The following PTPRR variants were observed in gnomAD, a reference collection of about 807,000 sequenced individuals.
PTPRR encodes protein tyrosine phosphatase receptor type R.
In PTPRR, 38 loss-of-function variants were observed where a neutral mutation model predicts 77.2. The ratio of observed to expected loss-of-function variants is 0.49; its 90% CI spans 0.38 to 0.65. PTPRR has a LOEUF of 0.65. PTPRR is among the 30% of genes least tolerant of loss of function. PTPRR has a pLI of 0.00. For synonymous variants in PTPRR, 299 were observed against 283.1 expected (o/e 1.06, Z -0.57); for missense variants, 744 against 799.2 (o/e 0.93, Z 0.83).
At chr12:70,722,528 C>A (rs1889294641) in intron 6 of PTPRR, among the ~76,000 whole-genome samples, 1 of 152,042 alleles carries the variant, frequency 6.6e-6, no homozygotes, top group Non-Finnish European at 1.5e-5. Flanking sequence ...GAGGAGACTC[C>A]AAAGAAGCTT....
chr12:70,916,051 TA>T (rs1262912826), intron 1 of PTPRR, among the ~76,000 whole-genome samples: 1 of 151,694 alleles, frequency 6.6e-6, no homozygotes, highest in African/African-American at 2.4e-5. Flanking sequence ...GAAACTACAA[TA>T]AAAAAAGTAA....
At chr12:70,790,384 C>T (rs1425624026) in intron 2 of PTPRR, among the ~76,000 whole-genome samples, 2 of 152,068 alleles carry the variant, frequency 1.3e-5, no homozygotes, top group Non-Finnish European at 1.5e-5. Context: ...GCCCTGATAC[C>T]CTTTCCTGCC....
chr12:70,800,046 C>T (rs1464134662), intron 2 of PTPRR, among the ~76,000 whole-genome samples: 1 of 152,132 alleles, frequency 6.6e-6, no homozygotes, highest in East Asian at 1.9e-4. Flanking sequence ...GTGCAGCCAG[C>T]ATCTGGGAAT....
At chr12:70,911,538 A>G (rs923333698) in intron 1 of PTPRR, among the ~76,000 whole-genome samples, 2 of 152,184 alleles carry the variant, frequency 1.3e-5, no homozygotes, top group African/African-American at 4.8e-5. Flanking sequence ...CATATCCAAG[A>G]GAAATTTTTA....
intron 10 of PTPRR, among the ~76,000 whole-genome samples, chr12:70,666,337 C>T (rs1886992141): frequency 1.3e-5 from 2 of 152,160 alleles, no homozygotes; most frequent in Non-Finnish European, 2.9e-5. Flanking sequence ...TATGTTGAGG[C>T]ACATGCAACC....
At chr12:70,795,913 A>ATTTTTTTT (rs71437157) in intron 2 of PTPRR, among the ~76,000 whole-genome samples, 1,899 of 88,376 alleles carry the variant, frequency 0.021, 755 homozygotes, top group South Asian at 0.044. Flanking sequence ...TATTTAGTAG[A>ATTTTTTTT]TTTTTTTTTT....
intron 2 of PTPRR, among the ~76,000 whole-genome samples, chr12:70,766,610 A>G (rs1362574345): frequency 6.6e-6 from 1 of 151,760 alleles, no homozygotes; most frequent in African/African-American, 2.4e-5. Flanking sequence ...ATCCAGGAGA[A>G]CTTCCCCAAT....
At chr12:70,746,154 AC>A in intron 5 of PTPRR, 68 bp from the exon 6 acceptor site, 1 of 1,446,064 alleles carries the variant, frequency 6.9e-7, no homozygotes, top group Non-Finnish European at 9.3e-7. Context: ...GATCTCCTCC[AC>A]CCCACCCTGG....
At chr12:70,655,631 AG>A (rs1886547482) in intron 13 of PTPRR, among the ~76,000 whole-genome samples, 1 of 152,230 alleles carries the variant, frequency 6.6e-6, no homozygotes, top group Admixed American at 6.5e-5. Flanking sequence ...AAGTGAAATA[AG>A]CCAGCCACAA....
chr12:70,880,580 C>T (rs1893132396), intron 2 of PTPRR, among the ~76,000 whole-genome samples: 2 of 152,032 alleles, frequency 1.3e-5, no homozygotes, highest in South Asian at 2.1e-4. Context: ...TGTCTTTCTT[C>T]GATTAGAATA....
At position 70,846,812 on chromosome 12, in the gene PTPRR, G is replaced by T. The variant is rs774006378; in HGVS notation, c.357+45867C>A. Reference sequence around the variant, plus strand: ...AGAAATCAAGTTTCATTGCTTAAAAGCTACTTGGTTTAGTGTATTTCATCG... The same window carrying T: ...AGAAATCAAGTTTCATTGCTTAAAATCTACTTGGTTTAGTGTATTTCATCG... On this transcript the variant is annotated intron_variant, in intron 2 of 13. Transcript: ENST00000283228. 3.3e-4 allele frequency among the ~76,000 whole-genome samples: 50 copies of T among 152,132 alleles called. 1 individual carries two copies. Among genetic ancestry groups the T allele is most frequent in the Non-Finnish European group, 3.4e-4 (23 of 68,018 alleles).
At position 70,788,035 on chromosome 12, in the gene PTPRR, T is replaced by C. The variant is rs530614227; in HGVS notation, c.358-23257A>G. Among the ~76,000 whole-genome samples the C allele has an allele frequency of 5.9e-5, 9 of 152,342 alleles. No homozygotes were observed. In the South Asian group the frequency reaches 1.7e-3, roughly 28 times the overall value. Reference sequence around the variant, plus strand: ...TGCCTAGAACACAGTGGAAACTAAATACATACTTTTTGAAATAAAGTTAAG... The same window carrying C: ...TGCCTAGAACACAGTGGAAACTAAACACATACTTTTTGAAATAAAGTTAAG... On this transcript the variant is annotated intron_variant, in intron 2 of 13. Coordinates refer to ENST00000283228, the MANE Select transcript of PTPRR (RefSeq NM_002849.4).
At chr12:70,834,810 G>A (rs114191357) in intron 2 of PTPRR, among the ~76,000 whole-genome samples, 2 of 152,140 alleles carry the variant, frequency 1.3e-5, no homozygotes, top group African/African-American at 2.4e-5. Flanking sequence ...CTACAGATAA[G>A]GCATCCTGAT....
intron 2 of PTPRR, among the ~76,000 whole-genome samples, chr12:70,771,981 T>C (rs1257341200): frequency 7.2e-5 from 11 of 152,146 alleles, no homozygotes; most frequent in Non-Finnish European, 1.2e-4. Flanking sequence ...AAAATCTAAA[T>C]ATTAAAGAAT....
chr12:70,749,307 T>C (rs1890314335), intron 5 of PTPRR, among the ~76,000 whole-genome samples: 1 of 152,150 alleles, frequency 6.6e-6, no homozygotes, highest in East Asian at 1.9e-4. Flanking sequence ...TATCCACCCA[T>C]TGCATGTTCT....
chr12:70,875,950 G>T (rs1413360052), intron 2 of PTPRR, among the ~76,000 whole-genome samples: 7 of 152,100 alleles, frequency 4.6e-5, no homozygotes, highest in Non-Finnish European at 7.4e-5. Flanking sequence ...GCAAAGGAAA[G>T]CAGTAATGAG....
At chr12:70,729,008 G>A (rs1889556479) in intron 6 of PTPRR, among the ~76,000 whole-genome samples, 1 of 152,068 alleles carries the variant, frequency 6.6e-6, no homozygotes, top group Non-Finnish European at 1.5e-5. Flanking sequence ...TCCAATAAGG[G>A]TTATGGCCAC....
intron 2 of PTPRR, among the ~76,000 whole-genome samples, chr12:70,857,503 T>C (rs1000505892): frequency 7.2e-5 from 11 of 152,262 alleles, no homozygotes; most frequent in African/African-American, 2.4e-4. Context: ...GGCTGTATAA[T>C]AGAATATAAA....
chr12:70,865,318 C>G (rs1223452200), intron 2 of PTPRR, among the ~76,000 whole-genome samples: 2 of 97,602 alleles, frequency 2.0e-5, no homozygotes, highest in Non-Finnish European at 5.3e-5. Flanking sequence ...TGCAAACAGA[C>G]TAATACAGAT....
Sources: gnomAD v4.1 joint callset for allele counts (sites outside exome capture counted in the v4.1 genomes callset) on GRCh38, gnomAD v4.1.1 for gene constraint, MANE v1.5 for transcripts, NCBI Gene and HGNC (gene_info 2026-07-23, HGNC 2026-07-21) for gene names.